The following ZNF362 variants were observed in gnomAD, a reference collection of about 807,000 sequenced individuals.
ZNF362 encodes the protein zinc finger protein 362.
A neutral mutation model predicts 42.9 loss-of-function variants in ZNF362; 11 were observed. The ratio of observed to expected loss-of-function variants is 0.26; its 90% CI spans 0.16 to 0.42. The LOEUF (loss-of-function observed/expected upper bound fraction) is 0.42, where lower values mean the gene tolerates loss of function less well. ZNF362 is among the 20% of genes least tolerant of loss of function. The probability of loss-of-function intolerance (pLI) is 1.00; values close to 1 mark genes in which losing one functional copy is unlikely to be tolerated. For missense variants in ZNF362, 362 were observed against 576.2 expected, an observed-to-expected ratio of 0.63 and a Z score of 3.81; for synonymous variants, 255 against 257.3, an observed-to-expected ratio of 0.99 and a Z score of 0.09.
At chr1:33,245,866 A>G in the ZNF362 span, among the ~76,000 whole-genome samples, 1 of 152,166 alleles carries the variant, frequency 6.6e-6, no homozygotes, top group Non-Finnish European at 1.5e-5. Context: ...CTTGAGCCCA[A>G]GAGATCAAGG....
the ZNF362 span, chr1:33,147,340 T>TCTTGTCC: frequency 6.2e-7 from 1 of 1,614,196 alleles, no homozygotes; most frequent in East Asian, 2.2e-5. This position sits in a 1 kb window ranked among gnomAD's most constrained non-coding sequence, Gnocchi z 8.1. Flanking sequence ...GCCTTGGTCA[T>TCTTGTCC]AGTCCAGGAA....
At chr1:33,298,858 T>C (rs1646143815) in intron 8 of ZNF362, 72 bp from the exon 9 acceptor site, 2 of 1,315,342 alleles carry the variant, frequency 1.5e-6, no homozygotes, top group Non-Finnish European at 2.2e-6. Flanking sequence ...CAGTGGCTGC[T>C]GGTGGGAACT....
the ZNF362 span, among the ~76,000 whole-genome samples, chr1:33,228,011 T>C: frequency 6.6e-6 from 1 of 152,222 alleles, no homozygotes; most frequent in African/African-American, 2.4e-5. Flanking sequence ...CTCAGGTTTA[T>C]GGAGATTTGC....
the ZNF362 span, among the ~76,000 whole-genome samples, chr1:33,231,483 T>G: frequency 1.3e-5 from 2 of 152,194 alleles, no homozygotes; most frequent in African/African-American, 4.8e-5. Context: ...AGTAAGTGAC[T>G]GACCCTGGGC....
chr1:33,218,932 T>TACACACACACACACACAC, the ZNF362 span, among the ~76,000 whole-genome samples: 5 of 121,000 alleles, frequency 4.1e-5, no homozygotes, highest in East Asian at 2.8e-4. Context: ...GAGCTGGACA[T>TACACACACACACACACAC]ACACACACAC....
At chr1:33,176,815 G>A in the ZNF362 span, among the ~76,000 whole-genome samples, 1 of 152,218 alleles carries the variant, frequency 6.6e-6, no homozygotes, top group Non-Finnish European at 1.5e-5. Flanking sequence ...TTCATCAGTA[G>A]AAGAAATAGA....
chr1:33,226,825 AC>A, the ZNF362 span, among the ~76,000 whole-genome samples: 1 of 152,234 alleles, frequency 6.6e-6, no homozygotes, highest in Admixed American at 6.5e-5. Context: ...GGTTTGTGCC[AC>A]TGCACTCCAG....
At chr1:33,241,362 G>T in the ZNF362 span, among the ~76,000 whole-genome samples, 2 of 151,888 alleles carry the variant, frequency 1.3e-5, no homozygotes, top group East Asian at 3.9e-4. Flanking sequence ...AGGTGTGGGG[G>T]CGGGTGCCTG....
the ZNF362 span, chr1:33,181,065 T>C: frequency 6.3e-7 from 1 of 1,595,058 alleles, no homozygotes; most frequent in African/African-American, 1.3e-5. The surrounding 1 kb of genome is among the most constrained non-coding windows in gnomAD (Gnocchi z 6.5). Flanking sequence ...GGTGACCTGA[T>C]GCTGCTCGTG....
At chr1:33,146,588 T>G in the ZNF362 span, 3 of 161,604 alleles carry the variant, frequency 1.9e-5, no homozygotes, top group Non-Finnish European at 4.1e-5. Flanking sequence ...GGCCACAGCA[T>G]CATCACTGAC....
chr1:33,148,427 A>T, the ZNF362 span, among the ~76,000 whole-genome samples: 2 of 152,136 alleles, frequency 1.3e-5, no homozygotes, highest in Non-Finnish European at 2.9e-5. Flanking sequence ...TTTGTTTGGA[A>T]CTTCCCTAAG....
Position 33,270,736 on chromosome 1 carries a change from G to C in ZNF362, c.38+124G>C, listed in dbSNP as rs1570389400. ...GCTGCTACCCTCTGGGTCTGCCCTG[G>C]GGGAGGTGTGTGCTTACCCTCCTGT... On this transcript the variant is annotated intron_variant, in intron 2 of 8. Coordinates refer to ENST00000539719, the MANE Select transcript of ZNF362 (RefSeq NM_152493.3). 7 of 1,500,092 alleles carry C rather than the reference G, an allele frequency of 4.7e-6. No individual in the cohort carries two copies. In the East Asian group the frequency reaches 1.7e-4, roughly 35 times the overall value. The allele number at this position is 1,500,092 out of a possible 1,614,324, so 92.9% of individuals were successfully genotyped here.
chr1:33,188,182 G>A, the ZNF362 span, among the ~76,000 whole-genome samples: 1 of 152,144 alleles, frequency 6.6e-6, no homozygotes, highest in Non-Finnish European at 1.5e-5. Flanking sequence ...TGAAGTAAGA[G>A]ATTGTGCCAC....
chr1:33,243,799 C>T, the ZNF362 span, among the ~76,000 whole-genome samples: 4,421 of 142,432 alleles, frequency 0.031, 98 homozygotes, highest in Non-Finnish European at 0.049. Flanking sequence ...TTAGTAGAGA[C>T]AGGGTTTCAC....
At chr1:33,180,866 C>A in the ZNF362 span, among the ~76,000 whole-genome samples, 3 of 149,180 alleles carry the variant, frequency 2.0e-5, no homozygotes, top group African/African-American at 4.9e-5. Flanking sequence ...CCCCTCCCTG[C>A]CCCGCGTTAC....
the ZNF362 span, chr1:33,165,894 G>T: frequency 5.0e-6 from 1 of 199,452 alleles, no homozygotes; most frequent in Non-Finnish European, 1.0e-5. This position sits in a 1 kb window ranked among gnomAD's most constrained non-coding sequence, Gnocchi z 4.0. Context: ...TAAGGCAGGG[G>T]TCTCCAACCC....
chr1:33,282,302 C>G (rs1646001150), intron 6 of ZNF362, among the ~76,000 whole-genome samples: 1 of 152,164 alleles, frequency 6.6e-6, no homozygotes, highest in South Asian at 2.1e-4. Context: ...GTTTGTGGCA[C>G]AAAATAAGCA....
chr1:33,279,236 G>C (rs1351778544), intron 4 of ZNF362, among the ~76,000 whole-genome samples: 1 of 152,046 alleles, frequency 6.6e-6, no homozygotes, highest in Non-Finnish European at 1.5e-5. Context: ...CGTTGCCCAG[G>C]CTGGTCTTCA....
the ZNF362 span, among the ~76,000 whole-genome samples, chr1:33,219,475 C>A: frequency 0.18 from 26,712 of 152,116 alleles, 2,698 homozygotes; most frequent in East Asian, 0.31. Context: ...AGGAGCCCAG[C>A]GAGGAAGGGG....
Sources: allele counts gnomAD v4.1 joint callset (sites outside exome capture counted in the v4.1 genomes callset), GRCh38; gene constraint gnomAD v4.1.1; non-coding constraint Gnocchi (gnomAD v3.1); transcripts MANE v1.5; gene names NCBI Gene and HGNC (gene_info 2026-07-23, HGNC 2026-07-21).